SRGAP3: variants seen among roughly 807,000 people sequenced by gnomAD.
SRGAP3 encodes SLIT-ROBO Rho GTPase-activating protein 3.
Under a neutral mutation model 121.1 loss-of-function variants are expected in SRGAP3, and 39 were observed. The observed-to-expected ratio is 0.32, with a 90% confidence interval of 0.25 to 0.42. SRGAP3 has a LOEUF of 0.42. Among genes scored for constraint, SRGAP3 ranks in the 10% least tolerant of loss-of-function variants. The probability of loss-of-function intolerance (pLI) is 1.00; values close to 1 mark genes in which losing one functional copy is unlikely to be tolerated. For synonymous variants in SRGAP3, 601 were observed against 570.0 expected, an observed-to-expected ratio of 1.05 and a Z score of -0.77; for missense variants, 1,213 against 1,470.6, an observed-to-expected ratio of 0.82 and a Z score of 2.86.
chr3:9,046,524 G>T (rs547697443), intron 10 of SRGAP3, among the ~76,000 whole-genome samples: 1 of 152,232 alleles, frequency 6.6e-6, no homozygotes, highest in Non-Finnish European at 1.5e-5. Flanking sequence ...CTCATGTGCC[G>T]TGACAGCAGC....
chr3:9,042,370 C>T (rs950881854), intron 10 of SRGAP3, among the ~76,000 whole-genome samples: 2 of 151,406 alleles, frequency 1.3e-5, no homozygotes, highest in African/African-American at 4.9e-5. Flanking sequence ...CAGCTCTCAA[C>T]TCTGGAATCC....
chr3:9,232,544 TAC>T (rs1169591392), intron 1 of SRGAP3, among the ~76,000 whole-genome samples: 1 of 151,864 alleles, frequency 6.6e-6, no homozygotes, highest in Non-Finnish European at 1.5e-5. Context: ...CAGACACACA[TAC>T]ACACACACAC....
chr3:9,041,186 C>T (rs865987543), intron 10 of SRGAP3, among the ~76,000 whole-genome samples: 42 of 152,344 alleles, frequency 2.8e-4, no homozygotes, highest in African/African-American at 9.4e-4. Flanking sequence ...TATGGAGTGA[C>T]TTTCCCAAGT....
chr3:9,069,266 T>C (rs1484028310), intron 4 of SRGAP3, among the ~76,000 whole-genome samples: 1 of 152,172 alleles, frequency 6.6e-6, no homozygotes, highest in African/African-American at 2.4e-5. Context: ...AGGTGTGTCC[T>C]CTCCGTGTCC....
chr3:9,283,772 A>G (rs1388982683), intron 3 of SRGAP3, among the ~76,000 whole-genome samples: 1 of 152,262 alleles, frequency 6.6e-6, no homozygotes, highest in Admixed American at 6.5e-5. Flanking sequence ...TTTAAAACTC[A>G]TAATGAGGGA....
chr3:9,221,346 C>G (rs1348489880), intron 1 of SRGAP3, among the ~76,000 whole-genome samples: 2 of 152,114 alleles, frequency 1.3e-5, no homozygotes, highest in Admixed American at 6.5e-5. Flanking sequence ...ACCTGGGCAG[C>G]AGAGCACGAC....
intron 1 of SRGAP3, among the ~76,000 whole-genome samples, chr3:9,224,824 T>C (rs1952932378): frequency 6.6e-6 from 1 of 152,112 alleles, no homozygotes; most frequent in South Asian, 2.1e-4. Context: ...GGGCTGGCTG[T>C]GCAGGGAAGT....
intron 3 of SRGAP3, among the ~76,000 whole-genome samples, chr3:9,316,502 C>T (rs969479592): frequency 3.3e-5 from 5 of 151,814 alleles, no homozygotes; most frequent in Non-Finnish European, 7.4e-5. Flanking sequence ...ACTAAAAATA[C>T]AAAAAAATTA....
At chr3:9,084,928 G>A (rs1458043729) in intron 3 of SRGAP3, among the ~76,000 whole-genome samples, 2 of 152,212 alleles carry the variant, frequency 1.3e-5, no homozygotes, top group East Asian at 3.8e-4. Context: ...GGGCAGCAGA[G>A]GGGATGACTT....
chr3:9,306,581 T>C (rs1003648532), intron 3 of SRGAP3, among the ~76,000 whole-genome samples: 1 of 152,250 alleles, frequency 6.6e-6, no homozygotes, highest in African/African-American at 2.4e-5. Context: ...CATCTTGAAT[T>C]AATTTTTGTA....
intron 18 of SRGAP3, among the ~76,000 whole-genome samples, chr3:9,001,307 C>A (rs1942753578): frequency 6.6e-6 from 1 of 152,148 alleles, no homozygotes; most frequent in African/African-American, 2.4e-5. Context: ...CGGATCTAAT[C>A]ATTACACAAC....
chr3:9,092,169 T>C (rs1382536424), intron 3 of SRGAP3, among the ~76,000 whole-genome samples: 2 of 151,924 alleles, frequency 1.3e-5, no homozygotes, highest in Non-Finnish European at 2.9e-5. Context: ...CTGTTTATGC[T>C]GAAAGCTTCA....
chr3:9,298,888 C>T (rs372122356), intron 3 of SRGAP3, among the ~76,000 whole-genome samples: 2 of 151,594 alleles, frequency 1.3e-5, no homozygotes, highest in South Asian at 2.1e-4. Flanking sequence ...CCCATCTCTA[C>T]TAAAAATAGA....
chr3:9,182,028 T>C (rs1575200166), intron 1 of SRGAP3, among the ~76,000 whole-genome samples: 1 of 151,834 alleles, frequency 6.6e-6, no homozygotes, highest in African/African-American at 2.4e-5. Context: ...TAGAAAAAAT[T>C]AGCTGCATGT....
intron 3 of SRGAP3, among the ~76,000 whole-genome samples, chr3:9,092,444 T>C (rs1176948577): frequency 1.3e-5 from 2 of 152,238 alleles, no homozygotes; most frequent in Non-Finnish European, 1.5e-5. Context: ...AGCACAATGC[T>C]AACTGCTTTA....
intron 1 of SRGAP3, among the ~76,000 whole-genome samples, chr3:9,159,840 T>C (rs1349199839): frequency 1.3e-5 from 2 of 152,166 alleles, no homozygotes; most frequent in Non-Finnish European, 2.9e-5. Context: ...ACCCTGCCCG[T>C]TATTTTTTTA....
intron 1 of SRGAP3, among the ~76,000 whole-genome samples, chr3:9,192,209 G>A (rs988345187): frequency 5.9e-5 from 9 of 152,136 alleles, no homozygotes; most frequent in South Asian, 2.1e-4. Context: ...ACCAGCCCCC[G>A]GGAAATAACC....
chr3:9,301,848 G>A (rs1955062622), intron 3 of SRGAP3, among the ~76,000 whole-genome samples: 1 of 152,204 alleles, frequency 6.6e-6, no homozygotes, highest in Non-Finnish European at 1.5e-5. Context: ...GTTGATCTGC[G>A]GATTAATTGA....
intron 7 of SRGAP3, 119 bp from the exon 8 acceptor site, chr3:9,056,453 G>T: frequency 9.4e-7 from 1 of 1,067,364 alleles, no homozygotes; most frequent in Non-Finnish European, 1.4e-6. Context: ...GCTCGGAAAG[G>T]TTGAGTGACC....
Sources: gnomAD v4.1 joint callset for allele counts (sites outside exome capture counted in the v4.1 genomes callset) on GRCh38, gnomAD v4.1.1 for gene constraint, MANE v1.5 for transcripts, NCBI Gene and HGNC (gene_info 2026-07-23, HGNC 2026-07-21) for gene names.